The following ARNT variants were observed in gnomAD, a reference collection of about 807,000 sequenced individuals.
ARNT encodes the protein class E basic helix-loop-helix protein 2.
A neutral mutation model predicts 105.0 loss-of-function variants in ARNT; 30 were observed. That is an observed-to-expected ratio of 0.29 (90% confidence interval 0.21 to 0.39). ARNT has a LOEUF of 0.39. ARNT is among the 10% of genes least tolerant of loss of function. The probability of loss-of-function intolerance (pLI) is 1.00; values close to 1 mark genes in which losing one functional copy is unlikely to be tolerated. For synonymous variants in ARNT, 304 were observed against 344.0 expected, an observed-to-expected ratio of 0.88 and a Z score of 1.29; for missense variants, 748 against 978.7, an observed-to-expected ratio of 0.76 and a Z score of 3.15.
In ARNT at chr1:150,811,337, T is replaced by C; in HGVS notation, c.*684A>G. The C allele has an allele frequency of 4.3e-6, 1 of 233,748 alleles. No homozygotes were observed. Among genetic ancestry groups the C allele is most frequent in the Non-Finnish European group, 8.5e-6 (1 of 117,966 alleles). The allele number at this position is 233,748 out of a possible 1,614,324, so 14.5% of individuals were successfully genotyped here. A position where few individuals can be genotyped will look rare whatever the true frequency, so the allele number is the denominator to read the frequency against. On this transcript the variant is annotated 3_prime_UTR_variant, in exon 22 of 22. Transcript: ENST00000358595. ...GCTGCAATACTAAGTGGAAAATACC[T>C]GGAAGATTTAACTCCTTAGGACTCT...
At chr1:150,829,840 G>A in intron 11 of ARNT, 64 bp downstream of exon 11, 1 of 1,521,388 alleles carries the variant, frequency 6.6e-7, no homozygotes, top group Non-Finnish European at 9.1e-7. Context: ...AAAATTAACA[G>A]GAATGAGTCC....
intron 3 of ARNT, among the ~76,000 whole-genome samples, chr1:150,847,425 CAAAAAAAAA>C (rs587697329): frequency 7.6e-5 from 7 of 91,750 alleles, no homozygotes; most frequent in Admixed American, 4.1e-4. Context: ...GACTCCGTCT[CAAAAAAAAA>C]AAAAAAAAAA....
Position 150,814,254 on chromosome 1 carries a change from A to T in ARNT, c.1951-15T>A. ...GTAGCCACCTGCTAAAGAGAGATGG[A>T]GAGGGGATATAGAACAAATACAGCA... On this transcript the variant is annotated splice_polypyrimidine_tract_variant and intron_variant, in intron 19 of 21. Transcript: ENST00000358595. 1 of 1,613,304 alleles carries T rather than the reference A, an allele frequency of 6.2e-7. No homozygotes were observed. Among genetic ancestry groups the T allele is most frequent in the Non-Finnish European group, 8.5e-7 (1 of 1,179,452 alleles).
intron 1 of ARNT, among the ~76,000 whole-genome samples, chr1:150,867,929 C>A (rs1409202653): frequency 6.6e-6 from 1 of 152,104 alleles, no homozygotes; most frequent in Non-Finnish European, 1.5e-5. Flanking sequence ...CTCCCCAGCC[C>A]TGCCTCCCAT....
In ARNT at chr1:150,811,224, C is replaced by G. The variant is rs1654655353; in HGVS notation, c.*797G>C. On this transcript the variant is annotated 3_prime_UTR_variant, in exon 22 of 22. Coordinates refer to ENST00000358595, the MANE Select transcript of ARNT (RefSeq NM_001668.4). The stretch of plus-strand genomic sequence containing the variant: ...GTTCGATAACAGACAATCGTATCAA[C>G]AGCCGACTTTCTATATTTGCTTTAC... 1.3e-5 allele frequency: 3 copies of G among 233,632 alleles called. No individual in the cohort carries two copies. The highest frequency in any genetic ancestry group is 4.4e-5 in the African/African-American group (2 of 45,328). The allele number at this position is 233,632 out of a possible 1,614,324, so 14.5% of individuals were successfully genotyped here. A position where few individuals can be genotyped will look rare whatever the true frequency, so the allele number is the denominator to read the frequency against.
intron 6 of ARNT, among the ~76,000 whole-genome samples, chr1:150,836,848 C>A (rs1660418551): frequency 1.3e-5 from 2 of 152,146 alleles, no homozygotes; most frequent in Admixed American, 6.5e-5. Flanking sequence ...CAAGACCAGC[C>A]TAGGCAATGG....
intron 21 of ARNT, chr1:150,812,630 A>T (rs1329221723): frequency 6.5e-6 from 1 of 152,768 alleles, no homozygotes; most frequent in African/African-American, 2.4e-5. Context: ...TGTCATCCTT[A>T]CGCAGGGGCC....
At chr1:150,849,178 G>A (rs1388475422) in intron 3 of ARNT, among the ~76,000 whole-genome samples, 1 of 152,016 alleles carries the variant, frequency 6.6e-6, no homozygotes, top group African/African-American at 2.4e-5. Context: ...ACTCCAGCCT[G>A]GGCAACAAGA....
Position 150,852,850 on chromosome 1 carries a change from CA to C in ARNT, c.138-45del, listed in dbSNP as rs760694753. 1.9e-5 allele frequency: 31 copies of C among 1,609,096 alleles called. No homozygotes were observed. The Middle Eastern group carries it at 2.3e-3, about 120-fold the overall frequency. On this transcript the variant is annotated intron_variant, in intron 2 of 21. Coordinates refer to ENST00000358595, the MANE Select transcript of ARNT (RefSeq NM_001668.4). ...AAATACTTTAAGCCTGCTGATAATA[CA>C]AAACATTAAGAAGTTAAAATTTCTC... is the stretch of plus-strand genomic sequence containing the variant.
At chr1:150,839,754 G>T (rs1344927465) in intron 5 of ARNT, 100 bp from the exon 6 acceptor site, 2 of 1,250,992 alleles carry the variant, frequency 1.6e-6, no homozygotes, top group African/African-American at 1.5e-5. Flanking sequence ...TGAAGAATGT[G>T]GTATTCAGAT....
intron 1 of ARNT, among the ~76,000 whole-genome samples, chr1:150,862,077 T>C (rs941733053): frequency 1.1e-4 from 16 of 152,178 alleles, no homozygotes; most frequent in Admixed American, 6.5e-5. Context: ...TTCTGAACTT[T>C]TTCCCTTCCA....
intron 14 of ARNT, among the ~76,000 whole-genome samples, chr1:150,818,619 C>T (rs766396389): frequency 6.6e-6 from 1 of 151,892 alleles, no homozygotes; most frequent in Non-Finnish European, 1.5e-5. Context: ...GGCGTGGTGG[C>T]GGGCTCCTGT....
chr1:150,856,532 G>C (rs1284573369), intron 2 of ARNT, among the ~76,000 whole-genome samples: 1 of 152,162 alleles, frequency 6.6e-6, no homozygotes, highest in African/African-American at 2.4e-5. Context: ...GGAGGCCAAG[G>C]TGGGCATATC....
chr1:150,818,078 G>T (rs10305738), intron 14 of ARNT, 48 bp from the exon 15 acceptor site: 15 of 1,250,862 alleles, frequency 1.2e-5, no homozygotes, highest in East Asian at 1.0e-4. Context: ...AGGGAGGAAG[G>T]GGGGAGAGAG....
In ARNT at chr1:150,839,572, A is replaced by T; in HGVS notation, c.355T>A (p.Cys119Ser). 1 of 1,614,206 alleles carries T rather than the reference A, an allele frequency of 6.2e-7. No individual in the cohort carries two copies. Among genetic ancestry groups the T allele is most frequent in the Non-Finnish European group, 8.5e-7 (1 of 1,180,028 alleles). ...TCTGGTTTTCGAGCCAGGGCACTAC[A>T]GGTGGGTACCATATCTGACAGTTCT... Reference protein sequence around the residue: ...ITELSDMVPTCSALARKPDKL... With the variant: ...ITELSDMVPTSSALARKPDKL... Residue 119 changes from cysteine to serine, a missense_variant, in exon 6 of 22, where the codon TGT becomes AGT. Physicochemically the swap from Cys to Ser is moderately radical, Grantham distance 112. Coordinates refer to ENST00000358595, the MANE Select transcript of ARNT (RefSeq NM_001668.4).
chr1:150,848,283 T>C (rs587674533), intron 3 of ARNT, among the ~76,000 whole-genome samples: 23 of 152,152 alleles, frequency 1.5e-4, no homozygotes, highest in African/African-American at 5.5e-4. Flanking sequence ...TGGCGAAACC[T>C]TGTCGCTACT....
intron 3 of ARNT, among the ~76,000 whole-genome samples, chr1:150,848,731 C>T (rs1033482571): frequency 2.0e-5 from 3 of 152,054 alleles, no homozygotes; most frequent in African/African-American, 7.2e-5. Context: ...GGAGTTTTGC[C>T]ATGTTGCCCA....
chr1:150,816,989 A>G, intron 17 of ARNT, 93 bp downstream of exon 17: 3 of 1,604,532 alleles, frequency 1.9e-6, no homozygotes, highest in Non-Finnish European at 2.6e-6. Context: ...GATTAAGTGG[A>G]AAAACACTGG....
chr1:150,862,848 C>T (rs1352983451), intron 1 of ARNT, among the ~76,000 whole-genome samples: 4 of 151,378 alleles, frequency 2.6e-5, no homozygotes, highest in Non-Finnish European at 4.4e-5. Context: ...ATCAGGAGTT[C>T]GAGACCAGCC....
Sources: gnomAD v4.1 joint callset for allele counts (sites outside exome capture counted in the v4.1 genomes callset) on GRCh38, gnomAD v4.1.1 for gene constraint, MANE v1.5 for transcripts, NCBI Gene and HGNC (gene_info 2026-07-23, HGNC 2026-07-21) for gene names.